The following NME9 variants were observed in gnomAD, a reference collection of about 807,000 sequenced individuals.
The protein encoded by NME9 is thioredoxin domain-containing protein 6.
NME9 carries 48 observed loss-of-function variants against 44.4 expected under a neutral mutation model. The observed-to-expected ratio is 1.08, with a 90% CI of 0.86 to 1.37. NME9 has a LOEUF of 1.37. Ranked by LOEUF, NME9 falls within the 40% of genes most tolerant of loss-of-function variation. NME9 has a pLI of 0.00. For synonymous variants in NME9, 139 were observed against 147.1 expected (o/e 0.94, Z 0.40); for missense variants, 325 against 405.2 (o/e 0.80, Z 1.70).
chr3:138,270,287 C>A (rs568205491), intron 8 of NME9, among the ~76,000 whole-genome samples: 4 of 152,270 alleles, frequency 2.6e-5, no homozygotes, highest in African/African-American at 9.6e-5. Context: ...ACCTAGAAGG[C>A]TTAGTATTAA....
chr3:138,275,614 A>C (rs1449635879), intron 8 of NME9, among the ~76,000 whole-genome samples: 1 of 152,084 alleles, frequency 6.6e-6, no homozygotes, highest in Non-Finnish European at 1.5e-5. Flanking sequence ...TCTGAAAGAA[A>C]CTCGCCCAAG....
At chr3:138,277,987 G>A (rs1056506707) in intron 8 of NME9, among the ~76,000 whole-genome samples, 1 of 152,148 alleles carries the variant, frequency 6.6e-6, no homozygotes, top group East Asian at 1.9e-4. Flanking sequence ...CTACATGAAA[G>A]ATGCCAGATA....
intron 8 of NME9, among the ~76,000 whole-genome samples, chr3:138,273,450 T>G (rs976857884): frequency 6.6e-6 from 1 of 152,212 alleles, no homozygotes; most frequent in African/African-American, 2.4e-5. Flanking sequence ...CTCATCTGCC[T>G]AAATCACTTA....
chr3:138,299,839 A>G (rs1560080232), downstream of NME9, among the ~76,000 whole-genome samples: 1 of 152,126 alleles, frequency 6.6e-6, no homozygotes, highest in African/African-American at 2.4e-5. Flanking sequence ...TGGTGGCTCC[A>G]TCTCTCATCT....
intron 6 of NME9, among the ~76,000 whole-genome samples, chr3:138,308,118 G>C (rs1048043298): frequency 1.3e-5 from 2 of 152,110 alleles, no homozygotes; most frequent in Non-Finnish European, 2.9e-5. Context: ...AAATCATGGA[G>C]GAGGGAAGAA....
chr3:138,264,031 T>C (rs1333312332), intron 8 of NME9: 9 of 1,115,380 alleles, frequency 8.1e-6, no homozygotes, highest in South Asian at 1.4e-5. Flanking sequence ...AATGTAGATA[T>C]GCTTGAAGTG....
intron 2 of NME9, among the ~76,000 whole-genome samples, chr3:138,320,299 T>C (rs2053382244): frequency 6.6e-6 from 1 of 152,098 alleles, no homozygotes; most frequent in Non-Finnish European, 1.5e-5. Flanking sequence ...CACGCGACCA[T>C]GAAGCAGCAG....
chr3:138,329,690 A>T lies in NME9; in HGVS notation c.-355T>A. ...GCAGCCTGTCGGGCACAGGGTCGCCAGTCGAGGAATTCTGACAAAAAAACG... is the reference window on the plus strand; with the variant it reads ...GCAGCCTGTCGGGCACAGGGTCGCCTGTCGAGGAATTCTGACAAAAAAACG... On this transcript the variant is annotated 5_prime_UTR_variant, in exon 1 of 11. Transcript: ENST00000333911. 10 of 1,132,768 alleles carry T rather than the reference A, an allele frequency of 8.8e-6. No homozygotes were observed. The highest frequency in any genetic ancestry group is 1.6e-5 in the African/African-American group (1 of 60,686). The allele number at this position is 1,132,768 out of a possible 1,614,324, so 70.2% of individuals were successfully genotyped here. A position where few individuals can be genotyped will look rare whatever the true frequency, so the allele number is the denominator to read the frequency against.
chr3:138,305,174 C>T (rs1281442490), intron 8 of NME9, 147 bp from the exon 9 acceptor site: 4 of 702,938 alleles, frequency 5.7e-6, no homozygotes, highest in African/African-American at 3.6e-5. Context: ...TCAGCCACTG[C>T]ACCCTGTCTC....
At chr3:138,269,324 A>C (rs2048564745) in intron 8 of NME9, among the ~76,000 whole-genome samples, 1 of 152,192 alleles carries the variant, frequency 6.6e-6, no homozygotes, top group African/African-American at 2.4e-5. Context: ...CGGTGATGGT[A>C]AATCTTAATC....
chr3:138,291,090 TAG>T lies in NME9; in HGVS notation c.745+12415_745+12416del, dbSNP rs1465764480. 2.6e-5 allele frequency among the ~76,000 whole-genome samples: 4 copies of T among 152,358 alleles called. No homozygotes were observed. The East Asian group carries it at 5.8e-4, about 22-fold the overall frequency. The stretch of plus-strand genomic sequence containing the variant: ...CCTCAAAGAGCTCATCATTTCCTGG[TAG>T]AGTCAAGAGTTATAATCAGATACTC... On this transcript the variant is annotated intron_variant, in intron 8 of 8. Coordinates refer to the NME9 transcript ENST00000317876.
At chr3:138,287,575 TATTG>T (rs1025288557) in intron 8 of NME9, 1 of 454,918 alleles carries the variant, frequency 2.2e-6, no homozygotes, top group African/African-American at 2.0e-5. Context: ...ATTCAACAAA[TATTG>T]ATTGATTGTC....
downstream of NME9, among the ~76,000 whole-genome samples, chr3:138,300,544 G>A (rs1381137981): frequency 6.6e-6 from 1 of 152,216 alleles, no homozygotes; most frequent in African/African-American, 2.4e-5. Flanking sequence ...GTGGCATTGT[G>A]TGCTAATAAT....
intron 8 of NME9, among the ~76,000 whole-genome samples, chr3:138,292,590 G>C (rs934829059): frequency 6.6e-6 from 1 of 152,186 alleles, no homozygotes; most frequent in East Asian, 1.9e-4. Flanking sequence ...TAGGGTTTTA[G>C]CCTGAGCAAC....
rs2051808323 is a variant in NME9, at chr3:138,300,999, T to G, written c.*641A>C. 2 of 946,620 alleles carry G rather than the reference T, an allele frequency of 2.1e-6. No homozygotes were observed. Among genetic ancestry groups the G allele is most frequent in the Non-Finnish European group, 1.3e-6 (1 of 794,568 alleles). 58.6% of individuals were successfully genotyped at this position (946,620 alleles called of 1,614,324 possible). On this transcript the variant is annotated 3_prime_UTR_variant, in exon 11 of 11. Coordinates refer to ENST00000333911, the MANE Select transcript of NME9 (RefSeq NM_001349018.2). ...GTTACCAAATTAAGTTCTAAAATTG[T>G]TTAATTCATAAGGTAGATTTATTGT...
At chr3:138,325,472 C>T (rs1032677456) in intron 1 of NME9, among the ~76,000 whole-genome samples, 1 of 151,042 alleles carries the variant, frequency 6.6e-6, no homozygotes, top group Non-Finnish European at 1.5e-5. Flanking sequence ...AGCGCAATCT[C>T]AGCTCACTGC....
downstream of NME9, among the ~76,000 whole-genome samples, chr3:138,299,417 G>A (rs369273176): frequency 4.6e-5 from 7 of 152,128 alleles, no homozygotes; most frequent in East Asian, 3.9e-4. Context: ...GGAGCCGAGG[G>A]ATCTTAAAGC....
rs1227344627 is a variant in NME9 at position 138,306,078 on chromosome 3, C to T, written c.562G>A (p.Glu188Lys). 1 of 1,611,694 alleles carries T rather than the reference C, an allele frequency of 6.2e-7. No individual in the cohort carries two copies. Among genetic ancestry groups the T allele is most frequent in the Non-Finnish European group, 8.5e-7 (1 of 1,177,896 alleles). The change falls in exon 8 of 11, where the codon GAA becomes AAA. Residue 188 changes from glutamate to lysine, a missense_variant. Physicochemically the swap from Glu to Lys is moderately conservative, Grantham distance 56. Coordinates refer to ENST00000333911, the MANE Select transcript of NME9 (RefSeq NM_001349018.2). ...GTTCTCTCTTCATTTGTTAGAATTT[C>T]AAACCCAGCTTCCTGAATCTGTAGA... ...IIMKIQEAGF[E>K]ILTNEERTMT...
At chr3:138,306,337 C>A in intron 7 of NME9, 61 bp downstream of exon 7, 1 of 1,273,088 alleles carries the variant, frequency 7.9e-7, no homozygotes, top group South Asian at 1.2e-5. Context: ...TGCCCCATCC[C>A]TGTTTATCCA....
Sources: allele counts gnomAD v4.1 joint callset (sites outside exome capture counted in the v4.1 genomes callset), GRCh38; gene constraint gnomAD v4.1.1; transcripts MANE v1.5; gene names NCBI Gene and HGNC (gene_info 2026-07-23, HGNC 2026-07-21).